The following BEAN1 variants were observed in gnomAD, a reference collection of about 807,000 sequenced individuals.
BEAN1 encodes the protein brain expressed associated with NEDD4 1, also known as protein BEAN1.
Under a neutral mutation model 17.7 loss-of-function variants are expected in BEAN1, and 17 were observed. The ratio of observed to expected loss-of-function variants is 0.96; its 90% CI spans 0.66 to 1.44. The LOEUF (loss-of-function observed/expected upper bound fraction) is 1.44. Among genes scored for constraint, BEAN1 ranks in the 40% most tolerant of loss-of-function variants. The probability of loss-of-function intolerance (pLI) is 0.00; values close to 1 mark genes in which losing one functional copy is unlikely to be tolerated. For synonymous variants in BEAN1, 142 were observed against 151.8 expected (o/e 0.94, Z 0.47); for missense variants, 359 against 374.1 (o/e 0.96, Z 0.33).
chr16:66,471,847 T>A lies in BEAN1; in HGVS notation c.289+1982T>A, dbSNP rs1179636502. ...GGCCAGGACGGGCCTGTCCCACCCC[T>A]GCATCACCAACCTGAGGCTGCAGAG... On this transcript the variant is annotated intron_variant, in intron 3 of 4. Transcript: ENST00000536005. The surrounding 1 kb of genome is among the most constrained non-coding windows in gnomAD (Gnocchi z 4.7). Among the ~76,000 whole-genome samples, 1 of 152,184 alleles carries A rather than the reference T, an allele frequency of 6.6e-6. No homozygotes were observed. Among genetic ancestry groups the A allele is most frequent in the Non-Finnish European group, 1.5e-5 (1 of 68,012 alleles).
downstream of BEAN1, among the ~76,000 whole-genome samples, chr16:66,494,836 C>T (rs115389632): frequency 5.1e-3 from 778 of 152,290 alleles, 10 homozygotes; most frequent in African/African-American, 0.018. Context: ...CAAATAGGTA[C>T]ATTCAGGTAT....
downstream of BEAN1, chr16:66,483,099 G>A (rs1964033412): frequency 8.9e-6 from 3 of 335,886 alleles, no homozygotes; most frequent in South Asian, 4.6e-5. Flanking sequence ...GGTCTCAAGC[G>A]ATCCTCTCAC....
At chr16:66,433,824 G>T (rs1961901664) in intron 1 of BEAN1, among the ~76,000 whole-genome samples, 1 of 152,200 alleles carries the variant, frequency 6.6e-6, no homozygotes, top group African/African-American at 2.4e-5. Flanking sequence ...GCCGCCCATG[G>T]TGTGAGGCTG....
At chr16:66,458,109 C>A (rs1008430739) in intron 2 of BEAN1, among the ~76,000 whole-genome samples, 1 of 152,186 alleles carries the variant, frequency 6.6e-6, no homozygotes, top group Non-Finnish European at 1.5e-5. Flanking sequence ...CCCCCCTTCT[C>A]CCTCTAACCA....
At chr16:66,489,751 G>A (rs2142486672) in intron 4 of BEAN1, among the ~76,000 whole-genome samples, 2 of 152,322 alleles carry the variant, frequency 1.3e-5, no homozygotes, top group South Asian at 4.1e-4. Context: ...GGCAGAGGCT[G>A]GAGGGAAGTT....
rs1167566344 is a variant in BEAN1 at position 66,480,736 on chromosome 16, G to A, written c.591G>A (p.Gln197=). The change falls in exon 5 of 5, where the codon CAG becomes CAA. Residue 197 remains glutamine (Q), a synonymous_variant. Transcript: ENST00000536005. ...GCCCTGGCCGACACCAGCAGGAGCA[G>A]AGGACCCCGGCCCAAGGTGGCCTTC... ...GHSPGRHQQE[Q]RTPAQGGLHT... 1 of 1,551,516 alleles carries A rather than the reference G, an allele frequency of 6.4e-7. No homozygotes were observed. Among genetic ancestry groups the A allele is most frequent in the African/African-American group, 1.4e-5 (1 of 73,066 alleles).
chr16:66,476,281 T>C (rs955130466), intron 3 of BEAN1: 23 of 152,162 alleles, frequency 1.5e-4, no homozygotes, highest in African/African-American at 5.6e-4. Flanking sequence ...TAGAGTTTCA[T>C]ATCCAGATTC....
chr16:66,484,871 G>T (rs1426706010), downstream of BEAN1: 1 of 454,150 alleles, frequency 2.2e-6, no homozygotes, highest in Non-Finnish European at 4.4e-6. The surrounding 1 kb of genome is among the most constrained non-coding windows in gnomAD (Gnocchi z 4.2). Context: ...TTTGGAGGCT[G>T]CCCTTTGGAG....
At chr16:66,494,470 C>T (rs1964219805), downstream of BEAN1, among the ~76,000 whole-genome samples, 1 of 152,118 alleles carries the variant, frequency 6.6e-6, no homozygotes, top group African/African-American at 2.4e-5. Flanking sequence ...CCATCAGAGA[C>T]CGACCCAGAG....
chr16:66,477,459 G>A (rs1197530477), intron 3 of BEAN1, 101 bp from the exon 4 acceptor site: 9 of 1,236,006 alleles, frequency 7.3e-6, no homozygotes, highest in South Asian at 6.8e-5. Flanking sequence ...GTGGTCAGGT[G>A]GGGAATCAGA....
Position 66,477,597 on chromosome 16 carries a change from G to A in BEAN1, c.327G>A (p.Arg109=), listed in dbSNP as rs1452464001. 6.5e-7 allele frequency: 1 copy of A among 1,550,264 alleles called. No individual in the cohort carries two copies. Among genetic ancestry groups the A allele is most frequent in the Middle Eastern group, 1.7e-4 (1 of 5,996 alleles). The part of the protein sequence containing the change: ...DEHTYSRSSR[R]MRYACSSSED... The stretch of plus-strand genomic sequence containing the variant: ...ACACATACAGCCGCTCAAGCCGCAG[G>A]ATGCGCTATGCCTGCAGCTCCTCAG... Residue 109 remains arginine, a synonymous_variant, in exon 4 of 5, where the codon AGG becomes AGA. Transcript: ENST00000536005.
chr16:66,466,781 C>T (rs113748961), intron 2 of BEAN1, among the ~76,000 whole-genome samples: 6,750 of 152,176 alleles, frequency 0.044, 406 homozygotes, highest in African/African-American at 0.14. Context: ...CTTGGTCAGG[C>T]GGGTCTCAAC....
chr16:66,477,900 C>A (rs1226973502), intron 4 of BEAN1, 190 bp downstream of exon 4: 4 of 539,044 alleles, frequency 7.4e-6, no homozygotes, highest in Non-Finnish European at 1.2e-5. Context: ...TGTGACTTAG[C>A]AGATATCACC....
Position 66,482,294 on chromosome 16 carries a change from C to G in BEAN1, c.*1369C>G, listed in dbSNP as rs1056674437. ...TCCCTCGTCGTTAAAAAACAGCACCCTATCCTGCTTCCCCACATTTCTGTT... is the reference window on the plus strand; with the variant it reads ...TCCCTCGTCGTTAAAAAACAGCACCGTATCCTGCTTCCCCACATTTCTGTT... On this transcript the variant is annotated 3_prime_UTR_variant, in exon 5 of 5. Coordinates refer to ENST00000536005, the MANE Select transcript of BEAN1 (RefSeq NM_001178020.3). 1.3e-5 allele frequency: 2 copies of G among 153,950 alleles called. No individual in the cohort carries two copies. Among genetic ancestry groups the G allele is most frequent in the Admixed American group, 1.3e-4 (2 of 15,534 alleles). 9.5% of individuals were successfully genotyped at this position (153,950 alleles called of 1,614,324 possible).
chr16:66,463,841 T>A (rs1209895791), intron 2 of BEAN1, among the ~76,000 whole-genome samples: 6 of 152,230 alleles, frequency 3.9e-5, no homozygotes, highest in Non-Finnish European at 8.8e-5. Context: ...TTCTTTTGAA[T>A]GTAAGCATTC....
intron 2 of BEAN1, among the ~76,000 whole-genome samples, chr16:66,447,382 T>G (rs1962495076): frequency 6.6e-6 from 1 of 152,154 alleles, no homozygotes; most frequent in South Asian, 2.1e-4. Context: ...ACCTGTAAAA[T>G]GGGATCATTA....
chr16:66,431,540 C>T (rs1332994239), intron 1 of BEAN1, among the ~76,000 whole-genome samples: 1 of 151,988 alleles, frequency 6.6e-6, no homozygotes, highest in Non-Finnish European at 1.5e-5. Flanking sequence ...TGAACACATT[C>T]GTGTTCTTTC....
chr16:66,478,079 G>A (rs1424095322), intron 4 of BEAN1: 1 of 178,674 alleles, frequency 5.6e-6, no homozygotes, highest in African/African-American at 2.4e-5. Context: ...GGCCAGAGGA[G>A]TATCTGGCTA....
At chr16:66,437,889 G>A in intron 2 of BEAN1, 188 bp downstream of exon 2, 1 of 768,404 alleles carries the variant, frequency 1.3e-6, no homozygotes, top group Non-Finnish European at 2.2e-6. Context: ...GATGCTCCCT[G>A]AGAACTGAAA....
Sources: gnomAD v4.1 joint callset for allele counts (sites outside exome capture counted in the v4.1 genomes callset) on GRCh38, gnomAD v4.1.1 for gene constraint, Gnocchi (gnomAD v3.1) non-coding constraint, MANE v1.5 for transcripts, NCBI Gene and HGNC (gene_info 2026-07-23, HGNC 2026-07-21) for gene names.